Variants in SLC25A53 observed in about 807,000 individuals in gnomAD.
SLC25A53 encodes the protein mitochondrial carrier triple repeat protein 6.
A neutral mutation model predicts 15.0 loss-of-function variants in SLC25A53; 5 were observed. The observed-to-expected ratio is 0.33, with a 90% confidence interval of 0.17 to 0.70. The LOEUF (loss-of-function observed/expected upper bound fraction) is 0.70, where lower values mean the gene tolerates loss of function less well. Among genes scored for constraint, SLC25A53 ranks in the 30% least tolerant of loss-of-function variants. The pLI, the probability that SLC25A53 is intolerant of heterozygous loss-of-function variation, is 0.67. For missense variants in SLC25A53, 216 were observed against 241.6 expected (o/e 0.89, Z 0.70); for synonymous variants, 95 against 100.0 (o/e 0.95, Z 0.30).
At chrX:104,152,878 G>A (rs1419694830) in intron 1 of SLC25A53, among the ~76,000 whole-genome samples, 4 of 111,804 alleles carry the variant, frequency 3.6e-5, no homozygotes, top group Non-Finnish European at 7.5e-5. Flanking sequence ...TTTGGTTTGG[G>A]GTTTCATTTA....
rs782262274 is a variant in SLC25A53 at position 104,121,360 on chromosome X, T to G, written c.-31-16072A>C. ...TTACCTTGTTTCCTTGTTTCACTGT[T>G]ATAAACCCACTGAGAAAAGCATCCT... On this transcript the variant is annotated intron_variant, in intron 1 of 1. Transcript: ENST00000594199. Among the ~76,000 whole-genome samples, 3 of 112,359 alleles carry G rather than the reference T, an allele frequency of 2.7e-5. No individual in the cohort carries two copies. In the South Asian group the frequency reaches 1.1e-3, roughly 42 times the overall value.
intron 1 of SLC25A53, chrX:104,114,591 T>C: frequency 8.3e-7 from 1 of 1,211,833 alleles, no homozygotes; most frequent in Non-Finnish European, 1.1e-6. Flanking sequence ...AGAATGCTAT[T>C]CAGGCAGGCA....
At chrX:104,144,456 CT>C (rs1420418376) in intron 1 of SLC25A53, among the ~76,000 whole-genome samples, 3 of 111,079 alleles carry the variant, frequency 2.7e-5, no homozygotes, top group Non-Finnish European at 5.7e-5. Context: ...ATCCTAGTCT[CT>C]GATAAAACAG....
rs1394715589 is a variant in SLC25A53 at position 104,145,241 on chromosome X, T to A, written c.-32+11637A>T. On this transcript the variant is annotated intron_variant, in intron 1 of 1. Coordinates refer to ENST00000594199, the MANE Select transcript of SLC25A53 (RefSeq NM_001012755.5). ...GTAAATAACAAAATGAAGGCAGAAA[T>A]AAAGATGTTCTTTGAAACCAATGAG... 2.7e-5 allele frequency among the ~76,000 whole-genome samples: 3 copies of A among 111,847 alleles called. No homozygotes were observed. The East Asian group carries it at 8.4e-4, about 31-fold the overall frequency.
chrX:104,124,868 A>G (rs1556363906), intron 1 of SLC25A53, among the ~76,000 whole-genome samples: 1 of 88,753 alleles, frequency 1.1e-5, no homozygotes, highest in African/African-American at 4.1e-5. Flanking sequence ...TTTTTGAGAC[A>G]AAGTCTCACT....
chrX:104,141,079 G>A (rs781988487), intron 1 of SLC25A53, among the ~76,000 whole-genome samples: 1 of 111,816 alleles, frequency 8.9e-6, no homozygotes, highest in East Asian at 2.8e-4. Flanking sequence ...AGAGAATATT[G>A]GCAAAAATTG....
In SLC25A53 at chrX:104,102,181, G is replaced by A; in HGVS notation, c.*2153C>T. On this transcript the variant is annotated 3_prime_UTR_variant, in exon 2 of 2. Transcript: ENST00000594199. ...AACAACCATGTCTTTAATTTCTGTG[G>A]CATTCAGTGAGAAGTTCTCACTGCT... is the stretch of plus-strand genomic sequence containing the variant. 1 of 113,565 alleles carries A rather than the reference G, an allele frequency of 8.8e-6. No homozygotes were observed. The highest frequency in any genetic ancestry group is 1.9e-5 in the Non-Finnish European group (1 of 53,426). 9.4% of individuals were successfully genotyped at this position (113,565 alleles called of 1,213,427 possible). A position where few individuals can be genotyped will look rare whatever the true frequency, so the allele number is the denominator to read the frequency against.
At chrX:104,141,429 A>T (rs1483684943) in intron 1 of SLC25A53, among the ~76,000 whole-genome samples, 9 of 112,224 alleles carry the variant, frequency 8.0e-5, no homozygotes, top group Non-Finnish European at 1.7e-4. Context: ...ACACAGGTGT[A>T]AATCTTCAAA....
At chrX:104,111,182 A>G (rs782093141) in intron 1 of SLC25A53, among the ~76,000 whole-genome samples, 66 of 112,515 alleles carry the variant, frequency 5.9e-4, no homozygotes, top group Non-Finnish European at 8.4e-4. Context: ...AATCAACTAC[A>G]GGGCTGGTTA....
intron 1 of SLC25A53, among the ~76,000 whole-genome samples, chrX:104,148,410 C>T (rs1223515563): frequency 2.8e-5 from 3 of 108,240 alleles, no homozygotes; most frequent in Non-Finnish European, 5.7e-5. Context: ...ATGTAACAAA[C>T]CCGCACGTTG....
At chrX:104,129,893 T>C (rs1281660101) in intron 1 of SLC25A53, among the ~76,000 whole-genome samples, 1 of 106,242 alleles carries the variant, frequency 9.4e-6, no homozygotes, top group Non-Finnish European at 1.9e-5. Flanking sequence ...TGTGTGTGTG[T>C]GTGCCATTCA....
rs1179708911 is a variant in SLC25A53, at chrX:104,106,435, G to C, written c.-31-1147C>G. On this transcript the variant is annotated intron_variant, in intron 1 of 1. Coordinates refer to ENST00000594199, the MANE Select transcript of SLC25A53 (RefSeq NM_001012755.5). ...CAGGGAAAGGAACAGAGATGTGTGG[G>C]TGTGGGGCAGGAGGACAGGGGAGAG... 4.5e-5 allele frequency among the ~76,000 whole-genome samples: 5 copies of C among 111,390 alleles called. No homozygotes were observed. In the Admixed American group the frequency reaches 4.7e-4, roughly 11 times the overall value.
intron 1 of SLC25A53, among the ~76,000 whole-genome samples, chrX:104,106,766 T>G (rs143204155): frequency 0.019 from 2,128 of 110,796 alleles, 64 homozygotes; most frequent in African/African-American, 0.067. Context: ...AGCTCTGCTC[T>G]TCCCTAGCCC....
chrX:104,141,928 C>A (rs1212722169), intron 1 of SLC25A53, among the ~76,000 whole-genome samples: 1 of 111,949 alleles, frequency 8.9e-6, no homozygotes, highest in Admixed American at 9.5e-5. Context: ...ATAGGTTACC[C>A]AGCAAAAACT....
chrX:104,106,116 T>C (rs2075308288), intron 1 of SLC25A53, among the ~76,000 whole-genome samples: 1 of 110,817 alleles, frequency 9.0e-6, no homozygotes, highest in Non-Finnish European at 1.9e-5. Flanking sequence ...ACCAAAAATA[T>C]CTTGAGACCT....
intron 1 of SLC25A53, chrX:104,112,505 C>T (rs2075352209): frequency 8.8e-6 from 1 of 113,832 alleles, no homozygotes; most frequent in African/African-American, 3.2e-5. Flanking sequence ...TGATTGGCCG[C>T]GTCGCCCGGC....
chrX:104,154,255 C>A (rs1398023340), intron 1 of SLC25A53, among the ~76,000 whole-genome samples: 2 of 112,109 alleles, frequency 1.8e-5, no homozygotes, highest in Admixed American at 9.4e-5. Context: ...CATCACTAAT[C>A]GCTAGGGACA....
At chrX:104,147,705 C>A (rs2075472300) in intron 1 of SLC25A53, among the ~76,000 whole-genome samples, 1 of 111,878 alleles carries the variant, frequency 8.9e-6, no homozygotes, top group Non-Finnish European at 1.9e-5. Flanking sequence ...AAAAACTGCT[C>A]ACCATCACTG....
At chrX:104,113,936 C>A in intron 1 of SLC25A53, 1 of 727,229 alleles carries the variant, frequency 1.4e-6, no homozygotes, top group Non-Finnish European at 2.0e-6. Context: ...AATGCTACTG[C>A]AGACTGCTTC....
Sources: allele counts gnomAD v4.1 joint callset (sites outside exome capture counted in the v4.1 genomes callset), GRCh38; gene constraint gnomAD v4.1.1; transcripts MANE v1.5; gene names NCBI Gene and HGNC (gene_info 2026-07-23, HGNC 2026-07-21).